Variants in CLSTN2 observed in about 807,000 individuals in gnomAD.
The protein encoded by CLSTN2 is calsyntenin-2.
A neutral mutation model predicts 101.2 loss-of-function variants in CLSTN2; 48 were observed. The ratio of observed to expected loss-of-function variants is 0.47; its 90% CI spans 0.38 to 0.60. CLSTN2 has a LOEUF of 0.60. CLSTN2 is among the 20% of genes least tolerant of loss of function. CLSTN2 has a pLI of 0.00. For missense variants in CLSTN2, 1,160 were observed against 1,238.2 expected (o/e 0.94, Z 0.95); for synonymous variants, 481 against 463.6 (o/e 1.04, Z -0.48).
chr3:140,363,875 A>G (rs1230948603), intron 2 of CLSTN2, among the ~76,000 whole-genome samples: 1 of 152,198 alleles, frequency 6.6e-6, no homozygotes, highest in Non-Finnish European at 1.5e-5. Flanking sequence ...GGCAATGGCC[A>G]ACTTAGAGAA....
At chr3:140,175,529 C>T (rs189277798) in intron 1 of CLSTN2, among the ~76,000 whole-genome samples, 247 of 152,266 alleles carry the variant, frequency 1.6e-3, no homozygotes, top group Non-Finnish European at 3.0e-3. Flanking sequence ...ATAGTAGTAA[C>T]TGCTAGTTTA....
Position 140,279,443 on chromosome 3 carries a change from G to C in CLSTN2, c.232+103370G>C, listed in dbSNP as rs557361658. Among the ~76,000 whole-genome samples, 65 of 152,224 alleles carry C rather than the reference G, an allele frequency of 4.3e-4. 1 individual carries two copies. The highest frequency in any genetic ancestry group is 1.4e-3 in the African/African-American group (58 of 41,464). On this transcript the variant is annotated intron_variant, in intron 2 of 16. Coordinates refer to ENST00000458420, the MANE Select transcript of CLSTN2 (RefSeq NM_022131.3). Reference sequence around the variant, plus strand: ...ACAGCCTGAGGTATGCTGCCAAAAGGTGTTACATTGAGCTAGGAGATAAAT... The same window carrying C: ...ACAGCCTGAGGTATGCTGCCAAAAGCTGTTACATTGAGCTAGGAGATAAAT...
Position 140,106,024 on chromosome 3 carries a change from G to A in CLSTN2, c.110-69927G>A, listed in dbSNP as rs549309059. Among the ~76,000 whole-genome samples the A allele has an allele frequency of 2.6e-5, 4 of 152,318 alleles. No homozygotes were observed. In the East Asian group the frequency reaches 5.8e-4, roughly 22 times the overall value. ...ACGTGGTAACTTCCCTAGGAAAGATGGGTGGAGGCCTTTTCCTTTTCAAAT... is the reference window on the plus strand; with the variant it reads ...ACGTGGTAACTTCCCTAGGAAAGATAGGTGGAGGCCTTTTCCTTTTCAAAT... On this transcript the variant is annotated intron_variant, in intron 1 of 16. Transcript: ENST00000458420.
chr3:140,418,702 G>C (rs2088458882), intron 4 of CLSTN2, among the ~76,000 whole-genome samples: 1 of 151,828 alleles, frequency 6.6e-6, no homozygotes, highest in Non-Finnish European at 1.5e-5. Context: ...AGTTTTAGTA[G>C]AGACAGGGTT....
At chr3:140,225,791 G>A (rs113183737) in intron 2 of CLSTN2, among the ~76,000 whole-genome samples, 4,969 of 152,056 alleles carry the variant, frequency 0.033, 244 homozygotes, top group African/African-American at 0.11. Flanking sequence ...CACTGCACCC[G>A]GCCTTGACAC....
At chr3:140,072,208 G>C (rs1318425983) in intron 1 of CLSTN2, among the ~76,000 whole-genome samples, 1 of 149,792 alleles carries the variant, frequency 6.7e-6, no homozygotes, top group East Asian at 2.0e-4. Context: ...AAAAAAAACA[G>C]AAAACAACAT....
chr3:140,063,981 C>CT (rs2008255838), intron 1 of CLSTN2, among the ~76,000 whole-genome samples: 2 of 152,164 alleles, frequency 1.3e-5, no homozygotes, highest in Admixed American at 1.3e-4. Context: ...ATCCCAGAAG[C>CT]CCCTGCCAGG....
intron 9 of CLSTN2, among the ~76,000 whole-genome samples, chr3:140,541,636 G>A (rs1935480098): frequency 6.6e-6 from 1 of 152,176 alleles, no homozygotes; most frequent in Non-Finnish European, 1.5e-5. Context: ...CTGCCTAGAT[G>A]TACCAGGCCA....
intron 2 of CLSTN2, among the ~76,000 whole-genome samples, chr3:140,231,206 T>A (rs1403701729): frequency 6.6e-6 from 1 of 152,032 alleles, no homozygotes; most frequent in Non-Finnish European, 1.5e-5. Flanking sequence ...TCCCACTATC[T>A]CATCATGTCA....
At chr3:140,391,303 G>A (rs970384397) in intron 2 of CLSTN2, among the ~76,000 whole-genome samples, 1 of 131,354 alleles carries the variant, frequency 7.6e-6, no homozygotes, top group African/African-American at 2.9e-5. Flanking sequence ...CTTCCTCCAG[G>A]TTTCAGCTCC....
chr3:140,516,801 A>G (rs1302463990), intron 8 of CLSTN2, among the ~76,000 whole-genome samples: 1 of 152,168 alleles, frequency 6.6e-6, no homozygotes, highest in Non-Finnish European at 1.5e-5. Context: ...AGTCAAGACA[A>G]TGTGCTTAGG....
At chr3:140,288,412 A>G (rs1479868) in intron 2 of CLSTN2, among the ~76,000 whole-genome samples, 54,399 of 151,960 alleles carry the variant, frequency 0.36, 11,337 homozygotes, top group Non-Finnish European at 0.49. Flanking sequence ...GGATCCTCTC[A>G]GATATCCAGC....
chr3:140,375,353 G>A (rs1245821937), intron 2 of CLSTN2, among the ~76,000 whole-genome samples: 1 of 152,194 alleles, frequency 6.6e-6, no homozygotes, highest in African/African-American at 2.4e-5. Flanking sequence ...GCTTGAGGAA[G>A]GGGACCCCTT....
At chr3:140,556,699 A>G (rs1009106333) in intron 11 of CLSTN2, 38 bp downstream of exon 11, 1 of 1,602,384 alleles carries the variant, frequency 6.2e-7, no homozygotes, top group African/African-American at 1.4e-5. Context: ...CAACTGAGGC[A>G]GCAGTTGGGA....
chr3:140,034,605 TC>T (rs750757367), intron 1 of CLSTN2, among the ~76,000 whole-genome samples: 10 of 152,272 alleles, frequency 6.6e-5, no homozygotes, highest in African/African-American at 9.6e-5. Flanking sequence ...CACCCTGCCT[TC>T]CTCTCTTTTG....
intron 16 of CLSTN2, 34 bp from the exon 17 acceptor site, chr3:140,566,019 T>G: frequency 1.2e-6 from 2 of 1,613,348 alleles, no homozygotes; most frequent in Non-Finnish European, 1.7e-6. Flanking sequence ...GTTCAGCCCC[T>G]GATGAGCATT....
chr3:140,003,709 C>A (rs764757368), intron 1 of CLSTN2, among the ~76,000 whole-genome samples: 1 of 152,000 alleles, frequency 6.6e-6, no homozygotes, highest in Non-Finnish European at 1.5e-5. Context: ...TTCCTCTATA[C>A]CAAGTTTTTT....
At chr3:140,192,144 CTA>C (rs1202356402) in intron 2 of CLSTN2, among the ~76,000 whole-genome samples, 2 of 151,786 alleles carry the variant, frequency 1.3e-5, no homozygotes, top group African/African-American at 4.8e-5. Context: ...TGTTATCTCT[CTA>C]TTATTGATTT....
At chr3:140,400,487 T>A (rs2088229321) in intron 2 of CLSTN2, among the ~76,000 whole-genome samples, 1 of 152,002 alleles carries the variant, frequency 6.6e-6, no homozygotes, top group African/African-American at 2.4e-5. Context: ...TGGCTTGAGG[T>A]CAGGAGTTCG....
Sources: allele counts gnomAD v4.1 joint callset (sites outside exome capture counted in the v4.1 genomes callset), GRCh38; gene constraint gnomAD v4.1.1; transcripts MANE v1.5; gene names NCBI Gene and HGNC (gene_info 2026-07-23, HGNC 2026-07-21).